Variants in USP49 observed in about 807,000 individuals in gnomAD.
The protein encoded by USP49 is ubiquitin carboxyl-terminal hydrolase 49.
Under a neutral mutation model 58.6 loss-of-function variants are expected in USP49, and 24 were observed. The ratio of observed to expected loss-of-function variants is 0.41; its 90% confidence interval spans 0.30 to 0.58. The LOEUF (loss-of-function observed/expected upper bound fraction) is 0.58. USP49 is among the 20% of genes least tolerant of loss of function. The probability of loss-of-function intolerance (pLI) is 0.30; values close to 1 mark genes in which losing one functional copy is unlikely to be tolerated. For missense variants in USP49, 703 were observed against 866.1 expected (o/e 0.81, Z 2.36); for synonymous variants, 408 against 365.1 (o/e 1.12, Z -1.34).
chr6:41,812,682 G>A (rs962986875), intron 3 of USP49, among the ~76,000 whole-genome samples: 40 of 152,134 alleles, frequency 2.6e-4, no homozygotes, highest in African/African-American at 8.4e-4. Context: ...GCGACAGAGC[G>A]AGACTCCGTC....
At chr6:41,799,184 A>G (rs548729783) in intron 6 of USP49, among the ~76,000 whole-genome samples, 3 of 151,972 alleles carry the variant, frequency 2.0e-5, no homozygotes, top group South Asian at 4.2e-4. Context: ...GGCTCACTGC[A>G]GCTTCAACCT....
intron 2 of USP49, chr6:41,886,678 C>G (rs1774717764): frequency 6.6e-6 from 1 of 152,266 alleles, no homozygotes; most frequent in African/African-American, 2.4e-5. Context: ...GGGCAGATCA[C>G]CTGAGGTCAG....
intron 3 of USP49, among the ~76,000 whole-genome samples, chr6:41,818,789 C>A (rs375977720): frequency 5.9e-5 from 9 of 152,308 alleles, no homozygotes; most frequent in African/African-American, 1.7e-4. Flanking sequence ...TCCTGTGCAA[C>A]AGAACCCCTG....
At chr6:41,889,042 T>A (rs1774766838) in intron 2 of USP49, among the ~76,000 whole-genome samples, 1 of 152,058 alleles carries the variant, frequency 6.6e-6, no homozygotes, top group African/African-American at 2.4e-5. Context: ...TTTTTTTTTT[T>A]TTATTTTTGA....
chr6:41,846,684 C>T (rs1773929237), intron 3 of USP49, among the ~76,000 whole-genome samples: 1 of 152,170 alleles, frequency 6.6e-6, no homozygotes, highest in African/African-American at 2.4e-5. Context: ...GAGATTACAG[C>T]AAAAGGGTTA....
intron 2 of USP49, among the ~76,000 whole-genome samples, chr6:41,890,742 G>A (rs1774798460): frequency 6.6e-6 from 1 of 152,102 alleles, no homozygotes; most frequent in Non-Finnish European, 1.5e-5. Flanking sequence ...CACATAAAGA[G>A]AAAATACTAA....
At chr6:41,858,594 C>T (rs2127353695) in intron 3 of USP49, among the ~76,000 whole-genome samples, 1 of 152,288 alleles carries the variant, frequency 6.6e-6, no homozygotes, top group South Asian at 2.1e-4. Flanking sequence ...ACATTGGCCT[C>T]CTCACTGTTC....
intron 3 of USP49, among the ~76,000 whole-genome samples, chr6:41,808,512 C>T (rs759465983): frequency 1.3e-5 from 2 of 150,386 alleles, no homozygotes; most frequent in Non-Finnish European, 3.0e-5. Flanking sequence ...CGGGTTCAAG[C>T]GATTCTCCTG....
At chr6:41,894,936 C>T (rs1774871123) in intron 1 of USP49, among the ~76,000 whole-genome samples, 1 of 151,816 alleles carries the variant, frequency 6.6e-6, no homozygotes, top group Non-Finnish European at 1.5e-5. Flanking sequence ...TCCTTTCCCT[C>T]TCCCTTCAAC....
chr6:41,789,971 C>T lies in USP49; in HGVS notation c.*6562G>A, dbSNP rs1194580256. ...AAAAGATTTACAAAAATCATAAAAA[C>T]ATGATTTATATTTCACACTTGAGAG... On this transcript the variant is annotated 3_prime_UTR_variant, in exon 8 of 8. Transcript: ENST00000682992. 6.6e-6 allele frequency: 1 copy of T among 151,160 alleles called. No individual in the cohort carries two copies. Among genetic ancestry groups the T allele is most frequent in the Non-Finnish European group, 1.5e-5 (1 of 67,906 alleles). 9.4% of individuals were successfully genotyped at this position (151,160 alleles called of 1,614,324 possible). A position where few individuals can be genotyped will look rare whatever the true frequency, so the allele number is the denominator to read the frequency against.
chr6:41,815,220 A>T (rs890883387), intron 3 of USP49, among the ~76,000 whole-genome samples: 1 of 152,104 alleles, frequency 6.6e-6, no homozygotes, highest in Non-Finnish European at 1.5e-5. Context: ...GCAGATTGAG[A>T]CCATCCTGGC....
intron 3 of USP49, among the ~76,000 whole-genome samples, chr6:41,819,884 T>C (rs148352278): frequency 6.6e-6 from 1 of 152,272 alleles, no homozygotes; most frequent in African/African-American, 2.4e-5. Context: ...ATAGGAAACA[T>C]AGGAGCCAAG....
At chr6:41,867,587 C>CAAAA (rs766568260) in intron 3 of USP49, among the ~76,000 whole-genome samples, 4 of 71,172 alleles carry the variant, frequency 5.6e-5, no homozygotes, top group East Asian at 6.8e-4. Context: ...ACTAAAAATA[C>CAAAA]AAAAAAAAAA....
intron 3 of USP49, among the ~76,000 whole-genome samples, chr6:41,863,477 C>T (rs1411845873): frequency 1.3e-5 from 2 of 152,194 alleles, no homozygotes; most frequent in African/African-American, 4.8e-5. Context: ...GGATCTACTA[C>T]AGTAAATCTT....
chr6:41,872,284 G>C (rs1317524654), intron 2 of USP49, among the ~76,000 whole-genome samples: 2 of 152,218 alleles, frequency 1.3e-5, no homozygotes, highest in Non-Finnish European at 2.9e-5. Context: ...CACTGTAAGA[G>C]GAAAGAAAAT....
intron 2 of USP49, among the ~76,000 whole-genome samples, chr6:41,873,766 G>GA (rs1267814917): frequency 1.3e-5 from 2 of 152,184 alleles, no homozygotes; most frequent in East Asian, 3.8e-4. Flanking sequence ...AAAGCCCTAG[G>GA]AAAGTTATAT....
chr6:41,870,688 A>ATTTTTTTTTTTTTTTTT (rs70987539), intron 3 of USP49, among the ~76,000 whole-genome samples: 2 of 116,064 alleles, frequency 1.7e-5, no homozygotes, highest in Admixed American at 1.0e-4. Context: ...CACCTGGCTA[A>ATTTTTTTTTTTTTTTTT]TTTTTTTTTT....
At chr6:41,881,145 G>C (rs1276083167) in intron 2 of USP49, among the ~76,000 whole-genome samples, 1 of 151,534 alleles carries the variant, frequency 6.6e-6, no homozygotes, top group East Asian at 1.9e-4. Flanking sequence ...TGTTGGCCAG[G>C]CTGATTTCAA....
At chr6:41,873,138 G>C (rs1199169279) in intron 2 of USP49, 1 of 152,286 alleles carries the variant, frequency 6.6e-6, no homozygotes, top group Non-Finnish European at 1.5e-5. Flanking sequence ...AAAAGAGTTA[G>C]TATAATGGAG....
Sources: allele counts gnomAD v4.1 joint callset (sites outside exome capture counted in the v4.1 genomes callset), GRCh38; gene constraint gnomAD v4.1.1; transcripts MANE v1.5; gene names NCBI Gene and HGNC (gene_info 2026-07-23, HGNC 2026-07-21).